The following CX3CL1 variants were observed in gnomAD, a reference collection of about 807,000 sequenced individuals.
CX3CL1 encodes the protein C-X3-C motif chemokine ligand 1.
CX3CL1 carries 1 observed loss-of-function variant against 14.1 expected under a neutral mutation model. That is an observed-to-expected ratio of 0.07 (90% confidence interval 0.03 to 0.34). CX3CL1 has a LOEUF of 0.34. Ranked by LOEUF, CX3CL1 falls within the 10% of genes least tolerant of loss-of-function variation. The probability of loss-of-function intolerance (pLI) is 0.99; values close to 1 mark genes in which losing one functional copy is unlikely to be tolerated. For synonymous variants in CX3CL1, 255 were observed against 229.6 expected (o/e 1.11, Z -1.00); for missense variants, 505 against 536.4 (o/e 0.94, Z 0.58).
Position 57,384,724 on chromosome 16 carries a change from G to T in CX3CL1, c.*1692G>T. 1 of 152,608 alleles carries T rather than the reference G, an allele frequency of 6.6e-6. No individual in the cohort carries two copies. 9.5% of individuals were successfully genotyped at this position (152,608 alleles called of 1,614,324 possible). A position where few individuals can be genotyped will look rare whatever the true frequency, so the allele number is the denominator to read the frequency against. On this transcript the variant is annotated 3_prime_UTR_variant, in exon 3 of 3. Coordinates refer to ENST00000006053, the MANE Select transcript of CX3CL1 (RefSeq NM_002996.6). ...AGCATATTCAGGAAGCTCAGGGCCTGGCTCAGGTGGGGTCACTCTGGCAGC... is the reference window on the plus strand; with the variant it reads ...AGCATATTCAGGAAGCTCAGGGCCTTGCTCAGGTGGGGTCACTCTGGCAGC...
intron 2 of CX3CL1, among the ~76,000 whole-genome samples, chr16:57,381,292 G>A (rs931275736): frequency 6.6e-6 from 1 of 152,196 alleles, no homozygotes; most frequent in Admixed American, 6.5e-5. Flanking sequence ...GCTCTGAGCT[G>A]TGGGCTTGGT....
At chr16:57,379,828 G>A (rs190855887) in intron 2 of CX3CL1, 74 bp downstream of exon 2, 11 of 1,555,056 alleles carry the variant, frequency 7.1e-6, no homozygotes, top group South Asian at 2.3e-5. Context: ...GAGAATCTAC[G>A]TCCACACCTC....
At chr16:57,375,670 G>C (rs1199347088) in intron 1 of CX3CL1, among the ~76,000 whole-genome samples, 1 of 152,168 alleles carries the variant, frequency 6.6e-6, no homozygotes, top group Non-Finnish European at 1.5e-5. Flanking sequence ...CACACAGCTG[G>C]GCAATGGCTC....
At position 57,382,350 on chromosome 16, in the gene CX3CL1, C is replaced by G; in HGVS notation, c.512C>G (p.Pro171Arg). ...GGTTCCTCAGGGACCAGGCTCCCCCCGACGCCAAAGGCTCAGGATGGAGGG... is the reference window on the plus strand; with the variant it reads ...GGTTCCTCAGGGACCAGGCTCCCCCGGACGCCAAAGGCTCAGGATGGAGGG... ...VTGSSGTRLP[P>R]TPKAQDGGPV... Residue 171 changes from proline (P) to arginine (R), a missense_variant, in exon 3 of 3, where the codon CCG (proline) becomes CGG (arginine). By Grantham distance (103) the Pro-to-Arg change is moderately radical (BLOSUM62 -2). Transcript: ENST00000006053. This position sits in a 1 kb window ranked among gnomAD's most constrained non-coding sequence, Gnocchi z 6.9. 1.2e-6 allele frequency: 2 copies of G among 1,610,014 alleles called. No individual in the cohort carries two copies.
chr16:57,376,677 G>C (rs1369248958), intron 1 of CX3CL1, among the ~76,000 whole-genome samples: 3 of 152,106 alleles, frequency 2.0e-5, no homozygotes, highest in Non-Finnish European at 2.9e-5. Flanking sequence ...GAGATGAATA[G>C]GGGTTGGGCA....
At chr16:57,375,796 A>G (rs1597996018) in intron 1 of CX3CL1, among the ~76,000 whole-genome samples, 1 of 152,200 alleles carries the variant, frequency 6.6e-6, no homozygotes, top group Non-Finnish European at 1.5e-5. Context: ...AATTCCTCCA[A>G]GAAGCCTCCC....
At chr16:57,374,838 G>A (rs1011201358) in intron 1 of CX3CL1, among the ~76,000 whole-genome samples, 2 of 151,818 alleles carry the variant, frequency 1.3e-5, no homozygotes, top group African/African-American at 2.4e-5. Flanking sequence ...AAGGCACTGT[G>A]ATAAAAAAAT....
chr16:57,382,501 C>G lies in CX3CL1; in HGVS notation c.663C>G (p.Thr221=), dbSNP rs970103949. 1.2e-6 allele frequency: 2 copies of G among 1,613,044 alleles called. No individual in the cohort carries two copies. The highest frequency in any genetic ancestry group is 1.7e-5 in the Admixed American group (1 of 59,948). ...CAAAGACCTCTGAGGCCCCGTCCAC[C>G]CAGGACCCCTCCACCCAGGCCTCCA... is the stretch of plus-strand genomic sequence containing the variant. The part of the protein sequence containing the change: ...AEAKTSEAPS[T]QDPSTQASTA... Residue 221 remains threonine (T), a synonymous_variant, in exon 3 of 3, where the codon ACC becomes ACG. Coordinates refer to ENST00000006053, the MANE Select transcript of CX3CL1 (RefSeq NM_002996.6). This position sits in a 1 kb window ranked among gnomAD's most constrained non-coding sequence, Gnocchi z 6.9.
chr16:57,384,203 AGGCTG>A lies in CX3CL1; in HGVS notation c.*1176_*1180del, dbSNP rs1468431182. 1 of 152,464 alleles carries A rather than the reference AGGCTG, an allele frequency of 6.6e-6. No homozygotes were observed. The highest frequency in any genetic ancestry group is 2.4e-5 in the African/African-American group (1 of 41,448). The allele number at this position is 152,464 out of a possible 1,614,324, so 9.4% of individuals were successfully genotyped here. ...CCCACACACGCCAGATTCTTTCCTG[AGGCTG>A]GGCTCCCTTCCCACCTCTCTCACTC... On this transcript the variant is annotated 3_prime_UTR_variant, in exon 3 of 3. Transcript: ENST00000006053.
rs569853314 is a variant in CX3CL1 at position 57,384,379 on chromosome 16, T to C, written c.*1347T>C. On this transcript the variant is annotated 3_prime_UTR_variant, in exon 3 of 3. Transcript: ENST00000006053. ...GCTACCCGGGAAGGGGGCTGGGACA[T>C]GGGAAAGGGGAAGTTGTAGGCATAA... The C allele has an allele frequency of 7.2e-5, 11 of 152,418 alleles. No individual in the cohort carries two copies. Among genetic ancestry groups the C allele is most frequent in the Admixed American group, 5.9e-4 (9 of 15,302 alleles). 9.4% of individuals were successfully genotyped at this position (152,418 alleles called of 1,614,324 possible). A position where few individuals can be genotyped will look rare whatever the true frequency, so the allele number is the denominator to read the frequency against.
chr16:57,379,893 C>A, intron 2 of CX3CL1, 139 bp downstream of exon 2: 1 of 1,026,552 alleles, frequency 9.7e-7, no homozygotes, highest in Non-Finnish European at 1.4e-6. Context: ...TCTCTTGCCC[C>A]TGGCCTGCAG....
rs1320407898 is a variant in CX3CL1 at position 57,383,727 on chromosome 16, A to G, written c.*695A>G. 1.3e-5 allele frequency: 2 copies of G among 152,838 alleles called. No homozygotes were observed. The highest frequency in any genetic ancestry group is 4.8e-5 in the African/African-American group (2 of 41,444). 9.5% of individuals were successfully genotyped at this position (152,838 alleles called of 1,614,324 possible). A position where few individuals can be genotyped will look rare whatever the true frequency, so the allele number is the denominator to read the frequency against. ...ATCCTAGTTCCACCATCAAGCCACC[A>G]ACATACTCCCATCTGTGAAAGGAAA... On this transcript the variant is annotated 3_prime_UTR_variant, in exon 3 of 3. Coordinates refer to ENST00000006053, the MANE Select transcript of CX3CL1 (RefSeq NM_002996.6).
chr16:57,381,938 C>G (rs1471450859), intron 2 of CX3CL1, 92 bp from the exon 3 acceptor site: 1 of 1,381,358 alleles, frequency 7.2e-7, no homozygotes, highest in African/African-American at 1.5e-5. Flanking sequence ...GGTGTGTTCA[C>G]CTGCAGAGTA....
chr16:57,377,704 G>A (rs1297394496), intron 1 of CX3CL1: 1 of 152,156 alleles, frequency 6.6e-6, no homozygotes, highest in East Asian at 1.9e-4. Context: ...TGCCCTGGGG[G>A]TTTCCCAGGC....
At position 57,383,111 on chromosome 16, in the gene CX3CL1, G is replaced by C; in HGVS notation, c.*79G>C. 4 of 1,280,000 alleles carry C rather than the reference G, an allele frequency of 3.1e-6. No individual in the cohort carries two copies. The highest frequency in any genetic ancestry group is 4.1e-6 in the Non-Finnish European group (4 of 985,972). The allele number at this position is 1,280,000 out of a possible 1,614,324, so 79.3% of individuals were successfully genotyped here. On this transcript the variant is annotated 3_prime_UTR_variant, in exon 3 of 3. Coordinates refer to ENST00000006053, the MANE Select transcript of CX3CL1 (RefSeq NM_002996.6). Reference sequence around the variant, plus strand: ...CATCCTCATACCCACCCCCACCCAAGGGCCTGGCCTGAGCTGGGATGATTG... The same window carrying C: ...CATCCTCATACCCACCCCCACCCAACGGCCTGGCCTGAGCTGGGATGATTG...
Position 57,382,405 on chromosome 16 carries a change from T to C in CX3CL1, c.567T>C (p.Pro189=), listed in dbSNP as rs1353389190. 4.3e-6 allele frequency: 7 copies of C among 1,612,246 alleles called. No homozygotes were observed. Among genetic ancestry groups the C allele is most frequent in the Non-Finnish European group, 5.9e-6 (7 of 1,179,954 alleles). The change falls in exon 3 of 3, where the codon CCT becomes CCC. Residue 189 remains proline, a synonymous_variant. Transcript: ENST00000006053. This position sits in a 1 kb window ranked among gnomAD's most constrained non-coding sequence, Gnocchi z 6.9. Reference sequence around the variant, plus strand: ...TGGGCACGGAGCTTTTCCGAGTGCCTCCCGTCTCCACTGCCGCCACGTGGC... The same window carrying C: ...TGGGCACGGAGCTTTTCCGAGTGCCCCCCGTCTCCACTGCCGCCACGTGGC... The part of the protein sequence containing the change: ...GPVGTELFRV[P]PVSTAATWQS...
chr16:57,375,239 T>C (rs1349126746), intron 1 of CX3CL1, among the ~76,000 whole-genome samples: 4 of 151,064 alleles, frequency 2.6e-5, no homozygotes, highest in African/African-American at 7.3e-5. Flanking sequence ...GCCCACTGAG[T>C]AGGTGGCTTT....
At chr16:57,376,480 ATGGATGGATGGG>A (rs1181379641) in intron 1 of CX3CL1, among the ~76,000 whole-genome samples, 6 of 151,388 alleles carry the variant, frequency 4.0e-5, no homozygotes, top group African/African-American at 1.2e-4. Flanking sequence ...GGATGGATGG[ATGGATGGATGGG>A]TGGATAGATG....
Position 57,382,310 on chromosome 16 carries a change from C to T in CX3CL1, c.472C>T (p.Pro158Ser). 6.2e-7 allele frequency: 1 copy of T among 1,605,216 alleles called. No homozygotes were observed. Among genetic ancestry groups the T allele is most frequent in the Non-Finnish European group, 8.5e-7 (1 of 1,175,728 alleles). ...GGCCCTGGGGACCTCCCCAGAGCTGCCGACGGGCGTGACTGGTTCCTCAGG... is the reference window on the plus strand; with the variant it reads ...GGCCCTGGGGACCTCCCCAGAGCTGTCGACGGGCGTGACTGGTTCCTCAGG... ...QRALGTSPEL[P>S]TGVTGSSGTR... Residue 158 changes from proline to serine, a missense_variant, in exon 3 of 3, where the codon CCG (proline) becomes TCG (serine). Transcript: ENST00000006053. The surrounding 1 kb of genome is among the most constrained non-coding windows in gnomAD (Gnocchi z 6.9).
Sources: gnomAD v4.1 joint callset for allele counts (sites outside exome capture counted in the v4.1 genomes callset) on GRCh38, gnomAD v4.1.1 for gene constraint, Gnocchi (gnomAD v3.1) non-coding constraint, MANE v1.5 for transcripts, NCBI Gene and HGNC (gene_info 2026-07-23, HGNC 2026-07-21) for gene names.